C4orf36: variants seen among roughly 807,000 people sequenced by gnomAD.
C4orf36 encodes uncharacterized protein C4orf36.
C4orf36 carries 11 observed loss-of-function variants against 12.2 expected under a neutral mutation model. The ratio of observed to expected loss-of-function variants is 0.90; its 90% CI spans 0.57 to 1.49. The LOEUF is 1.49. Ranked by LOEUF, C4orf36 falls within the 40% of genes most tolerant of loss-of-function variation. C4orf36 has a pLI of 0.00. For synonymous variants in C4orf36, 54 were observed against 51.3 expected (o/e 1.05, Z -0.22); for missense variants, 137 against 133.9 (o/e 1.02, Z -0.11).
intron 4 of C4orf36, among the ~76,000 whole-genome samples, chr4:86,878,915 T>C (rs1746983433): frequency 1.3e-5 from 2 of 152,146 alleles, no homozygotes; most frequent in African/African-American, 4.8e-5. Context: ...CTTTTTTAAC[T>C]GGGAAGTTAT....
the C4orf36 span, chr4:86,913,740 C>T: frequency 4.5e-6 from 7 of 1,553,640 alleles, no homozygotes; most frequent in Non-Finnish European, 6.2e-6. Context: ...GACCCAGCCA[C>T]CAGTGCCACT....
intron 2 of C4orf36, 31 bp downstream of exon 2, chr4:86,891,425 C>A (rs780904074): frequency 5.3e-6 from 8 of 1,497,750 alleles, no homozygotes; most frequent in Middle Eastern, 1.7e-4. Flanking sequence ...TCAATGCTTA[C>A]CCTGATTTAA....
the C4orf36 span, among the ~76,000 whole-genome samples, chr4:86,926,959 A>C: frequency 6.6e-6 from 1 of 152,258 alleles, no homozygotes; most frequent in Admixed American, 6.5e-5. Flanking sequence ...TTTTGTTGGA[A>C]TAATCATATT....
intron 1 of C4orf36, among the ~76,000 whole-genome samples, chr4:86,891,898 C>G (rs1747430823): frequency 6.6e-6 from 1 of 152,230 alleles, no homozygotes. Context: ...TGTGTCTGAT[C>G]GTGGCAGTGC....
At chr4:86,905,489 G>A in the C4orf36 span, among the ~76,000 whole-genome samples, 2 of 152,132 alleles carry the variant, frequency 1.3e-5, no homozygotes, top group Non-Finnish European at 2.9e-5. Flanking sequence ...AGAGATTAAG[G>A]CTGCAGAGAG....
intron 4 of C4orf36, among the ~76,000 whole-genome samples, chr4:86,885,970 T>C (rs1355644492): frequency 6.6e-6 from 1 of 152,242 alleles, no homozygotes; most frequent in Non-Finnish European, 1.5e-5. Context: ...GTGGTTTTTG[T>C]CTCTGGTTCT....
intron 1 of C4orf36, chr4:86,891,944 C>A (rs952877915): frequency 2.0e-6 from 2 of 976,532 alleles, no homozygotes; most frequent in Non-Finnish European, 2.5e-6. Context: ...CAGGAACCAC[C>A]CGCCCCGGCC....
chr4:86,918,734 G>A, the C4orf36 span, among the ~76,000 whole-genome samples: 1 of 152,086 alleles, frequency 6.6e-6, no homozygotes, highest in Non-Finnish European at 1.5e-5. Context: ...GATTTCCTGG[G>A]ACATCTCTTA....
chr4:86,901,543 G>A, the C4orf36 span, among the ~76,000 whole-genome samples: 1 of 151,764 alleles, frequency 6.6e-6, no homozygotes, highest in African/African-American at 2.4e-5. Context: ...AAGTAGCTGG[G>A]ACTACAGGCA....
At position 86,880,375 on chromosome 4, in the gene C4orf36, G is replaced by C. The variant is rs970558499; in HGVS notation, c.*3-3932C>G. 2.4e-4 allele frequency among the ~76,000 whole-genome samples: 37 copies of C among 152,234 alleles called. 1 individual carries two copies. The highest frequency in any genetic ancestry group is 2.1e-3 in the Admixed American group (32 of 15,304). On this transcript the variant is annotated intron_variant, in intron 4 of 4. Transcript: ENST00000295898. ...GAGCATGAGGCAGAGAATTGCTTGA[G>C]CCCAGGAGTTGGAGGTTGCAGTAAG... is the stretch of plus-strand genomic sequence containing the variant.
the C4orf36 span, chr4:86,914,760 A>T: frequency 2.3e-6 from 1 of 440,996 alleles, no homozygotes; most frequent in African/African-American, 2.2e-5. Context: ...TCTGGGTATG[A>T]TCCCTGTTCC....
the C4orf36 span, among the ~76,000 whole-genome samples, chr4:86,929,529 C>A: frequency 6.6e-6 from 1 of 152,056 alleles, no homozygotes; most frequent in African/African-American, 2.4e-5. Context: ...GCTCCTAGAT[C>A]CTCTTTTCAA....
chr4:86,901,668 C>T, the C4orf36 span, among the ~76,000 whole-genome samples: 1 of 152,088 alleles, frequency 6.6e-6, no homozygotes, highest in Non-Finnish European at 1.5e-5. Flanking sequence ...GCCTCGGCCT[C>T]CCAAAGTGCT....
chr4:86,879,095 T>C (rs2149419397), intron 4 of C4orf36, among the ~76,000 whole-genome samples: 1 of 152,250 alleles, frequency 6.6e-6, no homozygotes, highest in South Asian at 2.1e-4. Flanking sequence ...TTGTTTGTTT[T>C]TTGTTTTTGT....
intron 4 of C4orf36, among the ~76,000 whole-genome samples, chr4:86,877,229 A>G (rs1482001809): frequency 6.6e-6 from 1 of 152,240 alleles, no homozygotes; most frequent in Non-Finnish European, 1.5e-5. Context: ...GCTAACAACT[A>G]TCTTTGGTTG....
upstream of C4orf36, among the ~76,000 whole-genome samples, chr4:86,893,347 G>T (rs1747500272): frequency 2.0e-5 from 3 of 152,190 alleles, no homozygotes; most frequent in South Asian, 6.2e-4. Context: ...AATTTGGGAG[G>T]CCGAGAGGGG....
At chr4:86,917,783 C>T in the C4orf36 span, among the ~76,000 whole-genome samples, 1 of 152,242 alleles carries the variant, frequency 6.6e-6, no homozygotes, top group Admixed American at 6.5e-5. Flanking sequence ...TAGCCTCCTA[C>T]GCCCCTAGGC....
At chr4:86,885,201 G>T (rs1036119832) in intron 4 of C4orf36, among the ~76,000 whole-genome samples, 26 of 152,252 alleles carry the variant, frequency 1.7e-4, no homozygotes, top group African/African-American at 6.3e-4. Flanking sequence ...GGTTCCATAT[G>T]AACTTTGAAG....
chr4:86,903,998 G>A, the C4orf36 span, among the ~76,000 whole-genome samples: 1 of 152,210 alleles, frequency 6.6e-6, no homozygotes, highest in Non-Finnish European at 1.5e-5. Context: ...GCTAGACACA[G>A]AGTGCTGACT....
Sources: allele counts gnomAD v4.1 joint callset (sites outside exome capture counted in the v4.1 genomes callset), GRCh38; gene constraint gnomAD v4.1.1; transcripts MANE v1.5; gene names NCBI Gene and HGNC (gene_info 2026-07-23, HGNC 2026-07-21).